KLF12: variants seen among roughly 807,000 people sequenced by gnomAD.
KLF12 encodes the protein Krueppel-like factor 12.
KLF12 carries 9 observed loss-of-function variants against 37.8 expected under a neutral mutation model. The ratio of observed to expected loss-of-function variants is 0.24; its 90% confidence interval spans 0.14 to 0.42. KLF12 has a LOEUF of 0.42. Among genes scored for constraint, KLF12 ranks in the 10% least tolerant of loss-of-function variants. The pLI is 1.00. For missense variants in KLF12, 411 were observed against 516.0 expected, an observed-to-expected ratio of 0.80 and a Z score of 1.97; for synonymous variants, 208 against 202.1, an observed-to-expected ratio of 1.03 and a Z score of -0.25.
intron 6 of KLF12, among the ~76,000 whole-genome samples, chr13:73,764,110 T>A (rs1430363502): frequency 6.6e-6 from 1 of 152,170 alleles, no homozygotes; most frequent in East Asian, 1.9e-4. Flanking sequence ...AAAGGCATAG[T>A]TTTAATCAAA....
At chr13:74,018,354 A>T (rs1023775925) in intron 1 of KLF12, among the ~76,000 whole-genome samples, 11 of 152,212 alleles carry the variant, frequency 7.2e-5, no homozygotes, top group African/African-American at 2.7e-4. Context: ...GCAGTTAGAC[A>T]GGAGAAATAC....
intron 1 of KLF12, among the ~76,000 whole-genome samples, chr13:74,074,279 G>T (rs747724743): frequency 6.6e-6 from 1 of 152,124 alleles, no homozygotes; most frequent in Non-Finnish European, 1.5e-5. Flanking sequence ...AGTACAGGAG[G>T]GATGAACAAA....
At chr13:73,778,748 A>T (rs1023129961) in intron 5 of KLF12, among the ~76,000 whole-genome samples, 3 of 152,074 alleles carry the variant, frequency 2.0e-5, no homozygotes, top group African/African-American at 7.2e-5. Flanking sequence ...CGAGAAACGC[A>T]AGCTTAGAGA....
chr13:74,003,409 C>T (rs569151022), intron 1 of KLF12, among the ~76,000 whole-genome samples: 51 of 152,152 alleles, frequency 3.4e-4, no homozygotes, highest in African/African-American at 1.2e-3. Flanking sequence ...ATTAGTCAGC[C>T]CATCCAACTG....
the KLF12 span, among the ~76,000 whole-genome samples, chr13:74,228,505 G>C: frequency 1.3e-5 from 2 of 152,106 alleles, no homozygotes; most frequent in Non-Finnish European, 2.9e-5. Context: ...GCATCACTTT[G>C]TGAGTAAGGA....
intron 1 of KLF12, among the ~76,000 whole-genome samples, chr13:74,075,672 T>C (rs1017645480): frequency 3.3e-5 from 5 of 152,356 alleles, no homozygotes; most frequent in African/African-American, 9.6e-5. Flanking sequence ...TGTATGTTTA[T>C]AGCTCCTCCC....
intron 5 of KLF12, among the ~76,000 whole-genome samples, chr13:73,768,553 C>G (rs1203304377): frequency 1.6e-5 from 1 of 62,062 alleles, no homozygotes; most frequent in Non-Finnish European, 3.7e-5. Context: ...TCAGGCAGCT[C>G]ATTTTTTTCT....
chr13:73,842,956 A>AT (rs1307576889), intron 4 of KLF12, among the ~76,000 whole-genome samples: 2 of 152,242 alleles, frequency 1.3e-5, no homozygotes, highest in Non-Finnish European at 2.9e-5. Flanking sequence ...CAGTTAAGCA[A>AT]TAAAAAAGTA....
intron 5 of KLF12, among the ~76,000 whole-genome samples, chr13:73,795,745 C>T (rs1010042406): frequency 2.6e-5 from 4 of 152,102 alleles, no homozygotes; most frequent in Non-Finnish European, 4.4e-5. Context: ...GGAGACAGGA[C>T]TGTTACAAAA....
intron 7 of KLF12, among the ~76,000 whole-genome samples, chr13:73,704,964 CAAAG>C (rs1187900303): frequency 2.0e-5 from 3 of 152,088 alleles, no homozygotes; most frequent in African/African-American, 7.2e-5. Context: ...TTTTGTGAGA[CAAAG>C]AGAGTACACT....
intron 5 of KLF12, among the ~76,000 whole-genome samples, chr13:73,784,826 CG>C (rs944432820): frequency 6.3e-4 from 95 of 151,912 alleles, no homozygotes; most frequent in African/African-American, 2.1e-3. Flanking sequence ...TTTGTAGAGA[CG>C]GGGTTTCACC....
intron 1 of KLF12, among the ~76,000 whole-genome samples, chr13:74,090,746 C>T (rs538019397): frequency 2.8e-4 from 43 of 151,888 alleles, no homozygotes; most frequent in African/African-American, 1.0e-3. Flanking sequence ...CTGGATAGAG[C>T]CCTTTGTTAG....
At chr13:73,762,173 T>C (rs1375256838) in intron 6 of KLF12, among the ~76,000 whole-genome samples, 2 of 152,196 alleles carry the variant, frequency 1.3e-5, no homozygotes, top group Non-Finnish European at 2.9e-5. Flanking sequence ...CTCCAACATA[T>C]GTCGTTGGGC....
At chr13:73,760,787 G>A (rs1057333354) in intron 6 of KLF12, among the ~76,000 whole-genome samples, 1 of 152,118 alleles carries the variant, frequency 6.6e-6, no homozygotes, top group African/African-American at 2.4e-5. Flanking sequence ...AACGACACAT[G>A]CCCAAGTCCT....
At chr13:73,695,910 T>C (rs1874112866) in intron 7 of KLF12, among the ~76,000 whole-genome samples, 1 of 152,194 alleles carries the variant, frequency 6.6e-6, no homozygotes, top group African/African-American at 2.4e-5. Flanking sequence ...ATTATGACTT[T>C]GCCATCAACA....
intron 6 of KLF12, among the ~76,000 whole-genome samples, chr13:73,733,069 G>A (rs1343581896): frequency 6.6e-6 from 1 of 152,098 alleles, no homozygotes; most frequent in African/African-American, 2.4e-5. Flanking sequence ...CTGGCTACCT[G>A]CTATAGGATC....
the KLF12 span, among the ~76,000 whole-genome samples, chr13:74,279,490 A>G: frequency 1.3e-5 from 2 of 149,548 alleles, no homozygotes; most frequent in Admixed American, 6.8e-5. Context: ...ATCTCTCACA[A>G]TGGTTTGAAA....
chr13:74,282,856 T>TC, the KLF12 span, among the ~76,000 whole-genome samples: 16 of 152,008 alleles, frequency 1.1e-4, no homozygotes, highest in East Asian at 1.9e-4. Context: ...AGTCTCAGTT[T>TC]CCCCCCCTGG....
chr13:74,180,199 T>G, the KLF12 span, among the ~76,000 whole-genome samples: 1 of 152,084 alleles, frequency 6.6e-6, no homozygotes, highest in Non-Finnish European at 1.5e-5. Context: ...AGTAGGTGTT[T>G]AGTGTTCTTG....
Sources: allele counts gnomAD v4.1 joint callset (sites outside exome capture counted in the v4.1 genomes callset), GRCh38; gene constraint gnomAD v4.1.1; transcripts MANE v1.5; gene names NCBI Gene and HGNC (gene_info 2026-07-23, HGNC 2026-07-21).